Variants in FDPS observed in about 807,000 individuals in gnomAD.
FDPS encodes the protein farnesyl pyrophosphate synthase.
Under a neutral mutation model 49.5 loss-of-function variants are expected in FDPS, and 29 were observed. The observed-to-expected ratio is 0.59, with a 90% CI of 0.44 to 0.80. FDPS has a LOEUF of 0.80. FDPS is among the 30% of genes least tolerant of loss of function. The pLI, the probability that FDPS is intolerant of heterozygous loss-of-function variation, is 0.00. For synonymous variants in FDPS, 172 were observed against 206.4 expected (o/e 0.83, Z 1.43); for missense variants, 414 against 525.6 (o/e 0.79, Z 2.08).
rs1416296677 is a variant in FDPS at position 155,320,502 on chromosome 1, G to A, written c.1153G>A (p.Glu385Lys). Residue 385 changes from glutamate to lysine, a missense_variant, in exon 11 of 11, where the codon GAA becomes AAA. Transcript: ENST00000368356. The stretch of plus-strand genomic sequence containing the variant: ...GCCAGCAGTGTTCTTGCAATATGAG[G>A]AAGACAGTTACAGCCACATTATGGC... ...DLPAVFLQYEEDSYSHIMALI... is the reference protein window; with the variant it reads ...DLPAVFLQYEKDSYSHIMALI... 1.9e-6 allele frequency: 3 copies of A among 1,614,066 alleles called. No homozygotes were observed. The highest frequency in any genetic ancestry group is 1.1e-5 in the South Asian group (1 of 91,080).
intron 4 of FDPS, among the ~76,000 whole-genome samples, chr1:155,313,179 C>T (rs1648981935): frequency 6.6e-6 from 1 of 152,192 alleles, no homozygotes; most frequent in Non-Finnish European, 1.5e-5. Flanking sequence ...CATGTTCCCG[C>T]ATAGCAACAA....
At position 155,312,296 on chromosome 1, in the gene FDPS, T is replaced by A. The variant is rs1648880683; in HGVS notation, c.381T>A (p.Gly127=). The A allele has an allele frequency of 1.2e-6, 2 of 1,613,822 alleles. No homozygotes were observed. The highest frequency in any genetic ancestry group is 1.7e-6 in the Non-Finnish European group (2 of 1,179,998). The change falls in exon 4 of 11, where the codon GGT becomes GGA. Residue 127 remains glycine, a synonymous_variant. Coordinates refer to ENST00000368356, the MANE Select transcript of FDPS (RefSeq NM_002004.4). ...CCATTGGAGGCAAGTATAACCGGGGTTTGACGGTGGTAGTAGCATTCCGGG... is the reference window on the plus strand; with the variant it reads ...CCATTGGAGGCAAGTATAACCGGGGATTGACGGTGGTAGTAGCATTCCGGG... ...YNAIGGKYNR[G]LTVVVAFREL...
chr1:155,320,181 G>T (rs1650170710), intron 10 of FDPS: 5 of 644,210 alleles, frequency 7.8e-6, no homozygotes, highest in Non-Finnish European at 8.1e-6. Context: ...TTTCAATAGT[G>T]CCAAGGTGGA....
chr1:155,315,670 C>T (rs1381435845), intron 4 of FDPS, among the ~76,000 whole-genome samples: 1 of 150,490 alleles, frequency 6.6e-6, no homozygotes, highest in Non-Finnish European at 1.5e-5. Context: ...GCAACAAGAG[C>T]GAGACTCTGT....
In FDPS at chr1:155,320,582, G is replaced by A. The variant is rs779964878; in HGVS notation, c.1233G>A (p.Ala411=). The A allele has an allele frequency of 1.9e-6, 3 of 1,614,198 alleles. No individual in the cohort carries two copies. Among genetic ancestry groups the A allele is most frequent in the Non-Finnish European group, 2.5e-6 (3 of 1,180,032 alleles). The change falls in exon 11 of 11, where the codon GCG becomes GCA. Residue 411 remains alanine (A), a synonymous_variant. Coordinates refer to ENST00000368356, the MANE Select transcript of FDPS (RefSeq NM_002004.4). ...PLPPAVFLGL[A]RKIYKRRK is the part of the protein sequence containing the mutation. ...CCCCAGCCGTCTTTCTGGGGCTTGC[G>A]CGCAAAATCTACAAGCGGAGAAAGT...
At chr1:155,319,156 G>A (rs947595755) in intron 8 of FDPS, among the ~76,000 whole-genome samples, 2 of 152,224 alleles carry the variant, frequency 1.3e-5, no homozygotes, top group African/African-American at 4.8e-5. Context: ...CATAATAGGG[G>A]AACAATATAT....
Position 155,319,548 on chromosome 1 carries a change from G to A in FDPS, c.847-63G>A, listed in dbSNP as rs115559696. 9.7e-4 allele frequency: 1,507 copies of A among 1,557,466 alleles called. 1 individual carries two copies. Among genetic ancestry groups the A allele is most frequent in the Non-Finnish European group, 1.2e-3 (1,333 of 1,131,106 alleles). On this transcript the variant is annotated intron_variant, in intron 8 of 10. Coordinates refer to ENST00000368356, the MANE Select transcript of FDPS (RefSeq NM_002004.4). ...GCAGTAGGGCAAGACCCCATGGGAG[G>A]AAGCAGCCAGGAAGATGCCGGCACC... is the stretch of plus-strand genomic sequence containing the variant.
chr1:155,317,864 A>C, intron 4 of FDPS, 77 bp from the exon 5 acceptor site: 2 of 1,315,750 alleles, frequency 1.5e-6, no homozygotes, highest in Non-Finnish European at 2.2e-6. Context: ...CTATATACAG[A>C]TATAAAGTAG....
intron 4 of FDPS, among the ~76,000 whole-genome samples, chr1:155,314,311 C>T (rs1291393314): frequency 6.6e-6 from 1 of 151,828 alleles, no homozygotes; most frequent in African/African-American, 2.4e-5. Flanking sequence ...GCCTCAGCCT[C>T]CCAAGTAGCT....
chr1:155,319,382 A>G (rs1232299709), intron 8 of FDPS, among the ~76,000 whole-genome samples: 1 of 152,196 alleles, frequency 6.6e-6, no homozygotes, highest in Non-Finnish European at 1.5e-5. Context: ...CAGGCTGTGC[A>G]CCTCTAGAAT....
rs2148247361 is a variant in FDPS, at chr1:155,318,680, G to A, written c.700G>A (p.Glu234Lys). ...ELFLQSSYQT[E>K]IGQTLDLLTA... ...TCTTGCTTAGAGTTCCTATCAGACTGAGATTGGGCAGACCCTGGACCTCCT... is the reference window on the plus strand; with the variant it reads ...TCTTGCTTAGAGTTCCTATCAGACTAAGATTGGGCAGACCCTGGACCTCCT... Residue 234 changes from glutamate to lysine, a missense_variant, in exon 7 of 11, where the codon GAG (glutamate) becomes AAG (lysine). Glu to Lys is a moderately conservative substitution (Grantham distance 56, BLOSUM62 1). Transcript: ENST00000368356. This position sits in a 1 kb window ranked among gnomAD's most constrained non-coding sequence, Gnocchi z 4.2. The A allele has an allele frequency of 1.2e-6, 2 of 1,612,966 alleles. No homozygotes were observed. The highest frequency in any genetic ancestry group is 1.7e-6 in the Non-Finnish European group (2 of 1,179,048).
intron 8 of FDPS, 74 bp from the exon 9 acceptor site, chr1:155,319,537 C>A: frequency 2.0e-6 from 3 of 1,498,244 alleles, no homozygotes; most frequent in Non-Finnish European, 1.9e-6. Flanking sequence ...TAGGGCAAGA[C>A]CCCATGGGAG....
At chr1:155,309,611 C>T in intron 1 of FDPS, 178 bp from the exon 2 acceptor site, 1 of 541,696 alleles carries the variant, frequency 1.8e-6, no homozygotes, top group Non-Finnish European at 3.2e-6. Context: ...CCCAGCCATA[C>T]TTTTTTGTTC....
intron 4 of FDPS, among the ~76,000 whole-genome samples, chr1:155,315,733 G>A (rs1410460669): frequency 6.6e-6 from 1 of 151,310 alleles, no homozygotes; most frequent in Non-Finnish European, 1.5e-5. Flanking sequence ...CAGGCGTGGA[G>A]GCACATGCCT....
chr1:155,318,309 C>T lies in FDPS; in HGVS notation c.684+18C>T. Reference sequence around the variant, plus strand: ...TCCTGCAGGTGTATTGCAGACAGGGCCCGATGCCCAGAGGGTGCCCATGGT... The same window carrying T: ...TCCTGCAGGTGTATTGCAGACAGGGTCCGATGCCCAGAGGGTGCCCATGGT... On this transcript the variant is annotated intron_variant, in intron 6 of 10. Coordinates refer to ENST00000368356, the MANE Select transcript of FDPS (RefSeq NM_002004.4). This position sits in a 1 kb window ranked among gnomAD's most constrained non-coding sequence, Gnocchi z 4.2. 3 of 1,607,626 alleles carry T rather than the reference C, an allele frequency of 1.9e-6. No homozygotes were observed. The highest frequency in any genetic ancestry group is 1.7e-5 in the Admixed American group (1 of 60,004).
chr1:155,319,020 G>A (rs1649862043), intron 8 of FDPS, 92 bp downstream of exon 8: 7 of 919,286 alleles, frequency 7.6e-6, no homozygotes, highest in Non-Finnish European at 1.2e-5. Context: ...TGCTACCCCT[G>A]GTGAAAAACT....
At chr1:155,309,651 A>G (rs912129242) in intron 1 of FDPS, 138 bp from the exon 2 acceptor site, 1 of 725,592 alleles carries the variant, frequency 1.4e-6, no homozygotes. Context: ...ATTGTCCCCA[A>G]GCACATTCCA....
At chr1:155,320,036 G>C in intron 10 of FDPS, 108 bp downstream of exon 10, 2 of 1,327,962 alleles carry the variant, frequency 1.5e-6, no homozygotes, top group Admixed American at 4.3e-5. Flanking sequence ...AATGTCAGCA[G>C]ACATTTTTTG....
At chr1:155,315,214 C>T (rs1649203053) in intron 4 of FDPS, among the ~76,000 whole-genome samples, 1 of 152,208 alleles carries the variant, frequency 6.6e-6, no homozygotes, top group Admixed American at 6.5e-5. Context: ...GGATCCACTA[C>T]AGCACACAGG....
Sources: gnomAD v4.1 joint callset for allele counts (sites outside exome capture counted in the v4.1 genomes callset) on GRCh38, gnomAD v4.1.1 for gene constraint, Gnocchi (gnomAD v3.1) non-coding constraint, MANE v1.5 for transcripts, NCBI Gene and HGNC (gene_info 2026-07-23, HGNC 2026-07-21) for gene names.